ITGAL: variants seen among roughly 807,000 people sequenced by gnomAD.
The protein encoded by ITGAL is integrin subunit alpha L, also known as integrin alpha-L.
A neutral mutation model predicts 138.4 loss-of-function variants in ITGAL; 68 were observed. The observed-to-expected ratio is 0.49, with a 90% CI of 0.40 to 0.60. The LOEUF is 0.60. Among genes scored for constraint, ITGAL ranks in the 20% least tolerant of loss-of-function variants. The pLI is 0.00. For synonymous variants in ITGAL, 561 were observed against 584.3 expected (o/e 0.96, Z 0.57); for missense variants, 1,256 against 1,478.6 (o/e 0.85, Z 2.47).
chr16:30,475,865 C>T (rs2050463730), intron 4 of ITGAL, among the ~76,000 whole-genome samples: 1 of 151,384 alleles, frequency 6.6e-6, no homozygotes, highest in Non-Finnish European at 1.5e-5. Context: ...AATCCTCCCA[C>T]CTCAGCCTCC....
At chr16:30,474,372 G>A in intron 2 of ITGAL, 74 bp downstream of exon 2, 1 of 1,045,724 alleles carries the variant, frequency 9.6e-7, no homozygotes. Flanking sequence ...CCGCCTCCCC[G>A]ACCCTCGCCT....
intron 9 of ITGAL, chr16:30,488,784 G>C (rs1196325492): frequency 5.0e-6 from 2 of 398,322 alleles, no homozygotes; most frequent in Admixed American, 7.2e-5. Context: ...GGCTAAGCCC[G>C]GAGGGTTGCT....
At chr16:30,505,035 A>C in intron 18 of ITGAL, 1 of 390,728 alleles carries the variant, frequency 2.6e-6, no homozygotes, top group Non-Finnish European at 4.6e-6. Flanking sequence ...AAAAAAAAAA[A>C]AGAGCTGCCA....
Position 30,504,250 on chromosome 16 carries a change from A to G in ITGAL, c.2221A>G (p.Arg741Gly), listed in dbSNP as rs758240435. The G allele has an allele frequency of 3.1e-6, 5 of 1,612,090 alleles. No individual in the cohort carries two copies. The highest frequency in any genetic ancestry group is 1.6e-4 in the Middle Eastern group (1 of 6,080). ...FSLWEEEGTP[R>G]DQRAQGKDIP... ...TCTTTGGGAGGAGGAAGGGACACCGAGGGACCAAAGGGCGGTAAGAAGAGA... is the reference window on the plus strand; with the variant it reads ...TCTTTGGGAGGAGGAAGGGACACCGGGGGACCAAAGGGCGGTAAGAAGAGA... The change falls in exon 18 of 31, where the codon AGG (arginine) becomes GGG (glycine). Residue 741 changes from arginine to glycine, a missense_variant. Physicochemically the swap from Arg to Gly is moderately radical, Grantham distance 125 (BLOSUM62 -2). Coordinates refer to ENST00000356798, the MANE Select transcript of ITGAL (RefSeq NM_002209.3).
Position 30,508,629 on chromosome 16 carries a change from G to C in ITGAL, c.2509-1732G>C, listed in dbSNP as rs183475786. ...GAAGTGCTTAAGCCCGAGAGTTCGA[G>C]GCCGCTGTGAGCTATGATCATGCCA... On this transcript the variant is annotated intron_variant, in intron 21 of 30. Coordinates refer to ENST00000356798, the MANE Select transcript of ITGAL (RefSeq NM_002209.3). Among the ~76,000 whole-genome samples the C allele has an allele frequency of 2.0e-5, 3 of 152,242 alleles. No homozygotes were observed. In the East Asian group the frequency reaches 5.8e-4, roughly 29 times the overall value.
rs2151167759 is a variant in ITGAL at position 30,506,689 on chromosome 16, CATCTTTCCCTG to C, written c.2367-22_2367-12del. 1 of 1,591,552 alleles carries C rather than the reference CATCTTTCCCTG, an allele frequency of 6.3e-7. No homozygotes were observed. Among genetic ancestry groups the C allele is most frequent in the Non-Finnish European group, 8.6e-7 (1 of 1,166,326 alleles). ...TTCCCCACCCTGATCCTCCCTCCTC[CATCTTTCCCTG>C]ATCATCCCCCACAGATCCAGAGCCC... is the stretch of plus-strand genomic sequence containing the variant. On this transcript the variant is annotated splice_polypyrimidine_tract_variant and intron_variant, in intron 20 of 30. Coordinates refer to ENST00000356798, the MANE Select transcript of ITGAL (RefSeq NM_002209.3).
Position 30,513,828 on chromosome 16 carries a change from A to G in ITGAL, c.2844A>G (p.Gln948=). 1 of 1,611,816 alleles carries G rather than the reference A, an allele frequency of 6.2e-7. No individual in the cohort carries two copies. Among genetic ancestry groups the G allele is most frequent in the Middle Eastern group, 1.7e-4 (1 of 6,054 alleles). The change falls in exon 25 of 31, where the codon CAA becomes CAG. Residue 948 remains glutamine, a synonymous_variant. Transcript: ENST00000356798. The stretch of plus-strand genomic sequence containing the variant: ...CCCCCAAAGGCCCCAAGATCCACCA[A>G]GTCAAGCACATGTACCAGGTATGAA... ...SFTPKGPKIH[Q]VKHMYQVRIQ...
At chr16:30,515,300 T>G (rs1442488043) in intron 25 of ITGAL, among the ~76,000 whole-genome samples, 3 of 152,200 alleles carry the variant, frequency 2.0e-5, no homozygotes, top group African/African-American at 7.2e-5. Flanking sequence ...TGGTTGTCTG[T>G]GTCCTTTTTC....
chr16:30,519,957 T>C lies in ITGAL; in HGVS notation c.3329T>C (p.Val1110Ala), dbSNP rs778099767. The C allele has an allele frequency of 2.5e-6, 4 of 1,611,532 alleles. No individual in the cohort carries two copies. The highest frequency in any genetic ancestry group is 3.4e-6 in the Non-Finnish European group (4 of 1,179,604). ...CTGCTGCTGCTGCTCATTTTCATAG[T>C]GCTGTACAAGGTGGGTGCCTCCGGG... is the stretch of plus-strand genomic sequence containing the variant. ...GLLLLLLIFIVLYKVGFFKRN... is the reference protein window; with the variant it reads ...GLLLLLLIFIALYKVGFFKRN... The change falls in exon 30 of 31, where the codon GTG becomes GCG. Residue 1110 changes from valine to alanine, a missense_variant. Coordinates refer to ENST00000356798, the MANE Select transcript of ITGAL (RefSeq NM_002209.3).
rs1277141507 is a variant in ITGAL at position 30,472,743 on chromosome 16, T to C, written c.-95T>C. 1 of 1,126,270 alleles carries C rather than the reference T, an allele frequency of 8.9e-7. No homozygotes were observed. The highest frequency in any genetic ancestry group is 1.5e-5 in the African/African-American group (1 of 65,686). 69.8% of individuals were successfully genotyped at this position (1,126,270 alleles called of 1,614,324 possible). A position where few individuals can be genotyped will look rare whatever the true frequency, so the allele number is the denominator to read the frequency against. ...CACTGTAAGAGGCCAAAGGGCATGA[T>C]CATTTTCCTCTTTCACCCTGTCTAG... On this transcript the variant is annotated 5_prime_UTR_variant, in exon 1 of 31. Coordinates refer to ENST00000356798, the MANE Select transcript of ITGAL (RefSeq NM_002209.3).
intron 21 of ITGAL, among the ~76,000 whole-genome samples, chr16:30,508,198 ACG>A (rs1384472984): frequency 7.8e-6 from 1 of 128,494 alleles, no homozygotes. Flanking sequence ...GTGGGCCACC[ACG>A]CCCGGCCTAT....
In ITGAL at chr16:30,479,224, C is replaced by T. The variant is rs375825445; in HGVS notation, c.445+16C>T. 36 of 1,613,164 alleles carry T rather than the reference C, an allele frequency of 2.2e-5. No individual in the cohort carries two copies. The African/African-American group carries it at 4.8e-4, about 22-fold the overall frequency. On this transcript the variant is annotated intron_variant, in intron 5 of 30. Coordinates refer to ENST00000356798, the MANE Select transcript of ITGAL (RefSeq NM_002209.3). ...GGTTTTCAGGGTAAGGAACTGGGGA[C>T]TCATTGGGTAAAAATACCTCCAAAT...
At chr16:30,492,393 G>A (rs777115172) in intron 11 of ITGAL, among the ~76,000 whole-genome samples, 3 of 151,772 alleles carry the variant, frequency 2.0e-5, no homozygotes, top group Non-Finnish European at 4.4e-5. Context: ...CGGGACTACA[G>A]GTGCCCGCCA....
chr16:30,474,853 T>A (rs1446170325), intron 2 of ITGAL, among the ~76,000 whole-genome samples: 1 of 128,238 alleles, frequency 7.8e-6, no homozygotes, highest in Non-Finnish European at 1.7e-5. Context: ...CTTCTTTTTT[T>A]TTTTTTCTTT....
At position 30,496,302 on chromosome 16, in the gene ITGAL, A is replaced by G; in HGVS notation, c.1701+8A>G. On this transcript the variant is annotated splice_region_variant and intron_variant, in intron 14 of 30. Coordinates refer to ENST00000356798, the MANE Select transcript of ITGAL (RefSeq NM_002209.3). ...AGTCCCCAGCCAAGTCAGGTGACGT[A>G]TGCTGCCTGCCAATCACACTCCATT... 1 of 1,600,934 alleles carries G rather than the reference A, an allele frequency of 6.2e-7. No homozygotes were observed. The highest frequency in any genetic ancestry group is 8.5e-7 in the Non-Finnish European group (1 of 1,172,426).
At chr16:30,489,850 C>T (rs900979717) in intron 11 of ITGAL, among the ~76,000 whole-genome samples, 1 of 152,078 alleles carries the variant, frequency 6.6e-6, no homozygotes, top group Non-Finnish European at 1.5e-5. Flanking sequence ...GCAGGAGAAA[C>T]GTTTGAACCT....
At chr16:30,515,812 A>C (rs1054936510) in intron 25 of ITGAL, among the ~76,000 whole-genome samples, 1 of 152,044 alleles carries the variant, frequency 6.6e-6, no homozygotes, top group Non-Finnish European at 1.5e-5. Flanking sequence ...TCTCTACTAA[A>C]AATACAAAAA....
rs1030364547 is a variant in ITGAL at position 30,482,584 on chromosome 16, T to G, written c.722+1000T>G. Reference sequence around the variant, plus strand: ...GTGATAGGGCCAGTTAGAAGGCTACTGAAAAATCCAGATGAGAGACAATGG... The same window carrying G: ...GTGATAGGGCCAGTTAGAAGGCTACGGAAAAATCCAGATGAGAGACAATGG... On this transcript the variant is annotated intron_variant, in intron 7 of 30. Coordinates refer to ENST00000356798, the MANE Select transcript of ITGAL (RefSeq NM_002209.3). Among the ~76,000 whole-genome samples the G allele has an allele frequency of 7.2e-5, 11 of 152,218 alleles. No homozygotes were observed. In the South Asian group the frequency reaches 1.7e-3, roughly 23 times the overall value.
intron 9 of ITGAL, among the ~76,000 whole-genome samples, chr16:30,488,203 A>G (rs1368722077): frequency 1.3e-5 from 2 of 151,948 alleles, no homozygotes; most frequent in African/African-American, 2.4e-5. Context: ...TCAAAAAAAA[A>G]AAAAAGAAAA....
Sources: allele counts gnomAD v4.1 joint callset (sites outside exome capture counted in the v4.1 genomes callset), GRCh38; gene constraint gnomAD v4.1.1; transcripts MANE v1.5; gene names NCBI Gene and HGNC (gene_info 2026-07-23, HGNC 2026-07-21).